The following COPA variants were observed in gnomAD, a reference collection of about 807,000 sequenced individuals.
COPA encodes the protein coat protein complex I subunit alpha, also known as coatomer subunit alpha.
A neutral mutation model predicts 158.7 loss-of-function variants in COPA; 10 were observed. The ratio of observed to expected loss-of-function variants is 0.06; its 90% CI spans 0.04 to 0.11. The LOEUF is 0.11. Among genes scored for constraint, COPA ranks in the 10% least tolerant of loss-of-function variants. COPA has a pLI of 1.00. For synonymous variants in COPA, 462 were observed against 542.8 expected (o/e 0.85, Z 2.07); for missense variants, 1,065 against 1,536.7 (o/e 0.69, Z 5.13).
intron 8 of COPA, among the ~76,000 whole-genome samples, chr1:160,320,077 TCAATGAAACGA>T (rs1346588963): frequency 1.3e-5 from 2 of 151,982 alleles, no homozygotes; most frequent in Admixed American, 1.3e-4. Flanking sequence ...ATACAGACTA[TCAATGAAACGA>T]AACACTTGCT....
chr1:160,323,615 A>G, intron 7 of COPA, 85 bp from the exon 8 acceptor site: 3 of 1,039,218 alleles, frequency 2.9e-6, no homozygotes, highest in Non-Finnish European at 4.1e-6. Flanking sequence ...GTTGTAAAAA[A>G]TGTCTCTGAT....
intron 3 of COPA, among the ~76,000 whole-genome samples, chr1:160,339,082 C>T (rs1647913971): frequency 7.0e-6 from 1 of 142,118 alleles, no homozygotes; most frequent in African/African-American, 2.8e-5. Flanking sequence ...ACCCAGTGAC[C>T]TAAACTAGAA....
chr1:160,307,029 C>CA, intron 14 of COPA, 134 bp downstream of exon 14: 1 of 840,204 alleles, frequency 1.2e-6, no homozygotes. Flanking sequence ...GGGCTAGAGA[C>CA]AGAGGTACAG....
intron 12 of COPA, among the ~76,000 whole-genome samples, chr1:160,309,755 T>G (rs931962391): frequency 1.3e-5 from 2 of 151,618 alleles, no homozygotes; most frequent in African/African-American, 4.8e-5. Flanking sequence ...TTTTTTTTTT[T>G]TTTGCAAATT....
chr1:160,307,248 GAGA>G lies in COPA; in HGVS notation c.1220-6_1220-4del. The G allele has an allele frequency of 5.6e-6, 9 of 1,614,120 alleles. No homozygotes were observed. The highest frequency in any genetic ancestry group is 6.8e-6 in the Non-Finnish European group (8 of 1,179,968). On this transcript the variant is annotated splice_region_variant and splice_polypyrimidine_tract_variant and intron_variant, in intron 13 of 32. Transcript: ENST00000241704. ...TGAGGATCGTTTCCCTTCAGGCGCT[GAGA>G]AGAACAAAACCAAAGGGTGGGAGCA... is the stretch of plus-strand genomic sequence containing the variant.
intron 14 of COPA, 52 bp from the exon 15 acceptor site, chr1:160,306,545 G>T (rs755513830): frequency 3.6e-5 from 57 of 1,596,628 alleles, no homozygotes; most frequent in Non-Finnish European, 4.8e-5. Context: ...TATAGATGAT[G>T]ATGACAACTG....
intron 8 of COPA, among the ~76,000 whole-genome samples, chr1:160,318,009 A>G (rs1659203473): frequency 1.3e-5 from 2 of 152,208 alleles, no homozygotes; most frequent in African/African-American, 4.8e-5. Flanking sequence ...AGATTGACCA[A>G]TGCAAGCGTT....
chr1:160,290,116 G>C lies in COPA; in HGVS notation c.*41C>G. The stretch of plus-strand genomic sequence containing the variant: ...AGGAGGATATAGACACATTCTCTGG[G>C]GGGAACATATGGTGACTGACCCATG... On this transcript the variant is annotated 3_prime_UTR_variant, in exon 33 of 33. Transcript: ENST00000241704. 6.3e-7 allele frequency: 1 copy of C among 1,594,456 alleles called. No homozygotes were observed.
At chr1:160,298,143 T>C (rs1017300926) in intron 19 of COPA, among the ~76,000 whole-genome samples, 26 of 150,276 alleles carry the variant, frequency 1.7e-4, no homozygotes, top group African/African-American at 6.4e-4. Context: ...ATCATGCCAT[T>C]GCACTCCAGC....
intron 3 of COPA, among the ~76,000 whole-genome samples, chr1:160,337,582 G>A (rs1647835518): frequency 6.6e-6 from 1 of 152,164 alleles, no homozygotes; most frequent in Admixed American, 6.5e-5. Context: ...AGCCGGGCTT[G>A]GTGGCGCATG....
rs1194851757 is a variant in COPA at position 160,288,634 on chromosome 1, T to C, written c.*1523A>G. ...ATGCATTTATTATTTATTGAAAACA[T>C]GAATTTAACACGCAAAAAAGTACTT... On this transcript the variant is annotated 3_prime_UTR_variant, in exon 33 of 33. Coordinates refer to ENST00000241704, the MANE Select transcript of COPA (RefSeq NM_004371.4). Among the ~76,000 whole-genome samples the C allele has an allele frequency of 1.3e-5, 2 of 152,156 alleles. No homozygotes were observed. The highest frequency in any genetic ancestry group is 6.6e-5 in the Admixed American group (1 of 15,264).
chr1:160,343,227 TTCGGA>T lies in COPA; in HGVS notation c.-62_-58del. 2 of 1,609,106 alleles carry T rather than the reference TTCGGA, an allele frequency of 1.2e-6. No homozygotes were observed. Among genetic ancestry groups the T allele is most frequent in the Non-Finnish European group, 1.7e-6 (2 of 1,175,588 alleles). ...CGAGCCCCGACACACCCTGCTGCCCTTCGGACGCCTCCACGTCAGCGACCCTCTCC... is the reference window on the plus strand; with the variant it reads ...CGAGCCCCGACACACCCTGCTGCCCTCGCCTCCACGTCAGCGACCCTCTCC... On this transcript the variant is annotated 5_prime_UTR_variant, in exon 1 of 33. Transcript: ENST00000241704.
intron 6 of COPA, among the ~76,000 whole-genome samples, chr1:160,327,816 C>T (rs944275241): frequency 2.0e-5 from 3 of 152,192 alleles, no homozygotes; most frequent in African/African-American, 4.8e-5. Flanking sequence ...TGAGATCCCG[C>T]CACTGCACTC....
At chr1:160,330,610 T>C (rs1017868811) in intron 6 of COPA, among the ~76,000 whole-genome samples, 3 of 152,214 alleles carry the variant, frequency 2.0e-5, no homozygotes, top group African/African-American at 7.2e-5. Context: ...TTCCAAATGC[T>C]GTATCTCAGA....
intron 17 of COPA, among the ~76,000 whole-genome samples, chr1:160,302,108 C>T (rs1272204454): frequency 6.6e-6 from 1 of 151,966 alleles, no homozygotes; most frequent in Non-Finnish European, 1.5e-5. Context: ...TGTCATTACC[C>T]ACAGATACTA....
chr1:160,343,046 A>C (rs909662837), intron 1 of COPA, 85 bp downstream of exon 1: 1 of 1,556,650 alleles, frequency 6.4e-7, no homozygotes, highest in Non-Finnish European at 8.9e-7. Context: ...CATTTCGACC[A>C]ACACCTCTAC....
chr1:160,307,554 C>T (rs375544237), intron 13 of COPA, among the ~76,000 whole-genome samples: 2 of 152,248 alleles, frequency 1.3e-5, no homozygotes, highest in Non-Finnish European at 2.9e-5. Context: ...ATCAAGCTAA[C>T]GAGCAGGGCC....
intron 1 of COPA, 24 bp downstream of exon 1, chr1:160,343,107 G>C: frequency 6.2e-7 from 1 of 1,613,994 alleles, no homozygotes; most frequent in South Asian, 1.1e-5. Flanking sequence ...CAACCTCCAT[G>C]TTCCCCCTTT....
intron 8 of COPA, among the ~76,000 whole-genome samples, chr1:160,318,492 CAAAAAAAAAA>C (rs1184111001): frequency 1.7e-5 from 1 of 58,080 alleles, no homozygotes. Context: ...AAAAAAAAAA[CAAAAAAAAAA>C]AAAAAACACT....
Sources: allele counts gnomAD v4.1 joint callset (sites outside exome capture counted in the v4.1 genomes callset), GRCh38; gene constraint gnomAD v4.1.1; transcripts MANE v1.5; gene names NCBI Gene and HGNC (gene_info 2026-07-23, HGNC 2026-07-21).